Variants in TMEM17 observed in about 807,000 individuals in gnomAD.
TMEM17 encodes transmembrane protein 17.
In TMEM17, 15 loss-of-function variants were observed where a neutral mutation model predicts 19.1. The observed-to-expected ratio is 0.78, with a 90% CI of 0.52 to 1.21. The LOEUF is 1.21. Among genes scored for constraint, TMEM17 ranks in the 50% most tolerant of loss-of-function variants. TMEM17 has a pLI of 0.00. For synonymous variants in TMEM17, 103 were observed against 86.9 expected (o/e 1.19, Z -1.03); for missense variants, 245 against 242.3 (o/e 1.01, Z -0.07).
chr2:62,506,030 C>G lies in TMEM17; in HGVS notation c.100G>C (p.Glu34Gln). 6.2e-7 allele frequency: 1 copy of G among 1,609,124 alleles called. No homozygotes were observed. Among genetic ancestry groups the G allele is most frequent in the Non-Finnish European group, 8.5e-7 (1 of 1,177,902 alleles). The change falls in exon 1 of 4, where the codon GAA becomes CAA. Residue 34 changes from glutamate (E) to glutamine (Q), a missense_variant and splice_region_variant. Glu to Gln is a conservative substitution (Grantham distance 29, BLOSUM62 2). Transcript: ENST00000335390. The part of the protein sequence containing the change: ...RTGPESNEGP[E>Q]NEMVSSLALQ... ...CCTGCACCGGGCCTCGGTCACTCAC[C>G]CGGACCCTCATTGGACTCTGGACCG... is the stretch of plus-strand genomic sequence containing the variant.
At chr2:62,469,260 T>A in the TMEM17 span, among the ~76,000 whole-genome samples, 1 of 152,156 alleles carries the variant, frequency 6.6e-6, no homozygotes, top group Non-Finnish European at 1.5e-5. Flanking sequence ...ACCTCTTCCC[T>A]CAAAGAGGAC....
the TMEM17 span, among the ~76,000 whole-genome samples, chr2:62,454,609 T>G: frequency 6.6e-6 from 1 of 152,248 alleles, no homozygotes; most frequent in Non-Finnish European, 1.5e-5. Flanking sequence ...GCTCTTAAAA[T>G]GCAAATACTC....
the TMEM17 span, among the ~76,000 whole-genome samples, chr2:62,466,278 G>T: frequency 6.6e-6 from 1 of 152,154 alleles, no homozygotes; most frequent in African/African-American, 2.4e-5. Context: ...CTCTGGGGTG[G>T]GAGGCAGTGA....
the TMEM17 span, among the ~76,000 whole-genome samples, chr2:62,457,755 A>G: frequency 6.6e-6 from 1 of 152,136 alleles, no homozygotes; most frequent in Non-Finnish European, 1.5e-5. This position sits in a 1 kb window ranked among gnomAD's most constrained non-coding sequence, Gnocchi z 4.2. Flanking sequence ...TTAAGGCCTT[A>G]GTTTAACTGG....
the TMEM17 span, among the ~76,000 whole-genome samples, chr2:62,480,838 T>G: frequency 6.6e-6 from 1 of 152,232 alleles, no homozygotes; most frequent in South Asian, 2.1e-4. Context: ...ACTGGTAGTA[T>G]TATGCTTCCA....
At chr2:62,468,421 T>C in the TMEM17 span, among the ~76,000 whole-genome samples, 1 of 152,372 alleles carries the variant, frequency 6.6e-6, no homozygotes, top group South Asian at 2.1e-4. Context: ...ACATTTAGCC[T>C]GAAGTCCAAG....
At chr2:62,487,773 C>T in the TMEM17 span, among the ~76,000 whole-genome samples, 3 of 152,252 alleles carry the variant, frequency 2.0e-5, no homozygotes, top group African/African-American at 7.2e-5. Context: ...CGGCTCACTG[C>T]AACCTCCACC....
At chr2:62,501,624 C>A in intron 3 of TMEM17, 137 bp from the exon 4 acceptor site, 1 of 839,164 alleles carries the variant, frequency 1.2e-6, no homozygotes, top group South Asian at 1.9e-5. Flanking sequence ...TGACATGGTC[C>A]TTGTCCTCAG....
At chr2:62,499,675 G>A (rs1246108822), downstream of TMEM17, among the ~76,000 whole-genome samples, 1 of 152,064 alleles carries the variant, frequency 6.6e-6, no homozygotes, top group African/African-American at 2.4e-5. Context: ...GCAAAACCTG[G>A]GAATCCTAAG....
At chr2:62,486,673 G>C in the TMEM17 span, among the ~76,000 whole-genome samples, 1 of 152,208 alleles carries the variant, frequency 6.6e-6, no homozygotes, top group African/African-American at 2.4e-5. Context: ...GGAATGAAAA[G>C]AGACAAAGTG....
At chr2:62,494,774 C>T in the TMEM17 span, among the ~76,000 whole-genome samples, 1 of 152,038 alleles carries the variant, frequency 6.6e-6, no homozygotes, top group African/African-American at 2.4e-5. Flanking sequence ...GAGGCCGAGG[C>T]GGGCAGATCA....
At chr2:62,476,212 G>A in the TMEM17 span, among the ~76,000 whole-genome samples, 1 of 152,188 alleles carries the variant, frequency 6.6e-6, no homozygotes, top group Non-Finnish European at 1.5e-5. Context: ...TATGTATGTT[G>A]TTGCAGAAAA....
the TMEM17 span, among the ~76,000 whole-genome samples, chr2:62,467,240 T>C: frequency 2.0e-5 from 3 of 152,080 alleles, no homozygotes; most frequent in African/African-American, 4.8e-5. Context: ...CTTGTTTACT[T>C]TGAAGCTATC....
chr2:62,476,111 G>T, the TMEM17 span, among the ~76,000 whole-genome samples: 2 of 152,216 alleles, frequency 1.3e-5, no homozygotes, highest in Non-Finnish European at 2.9e-5. Context: ...AGGGGGTCAT[G>T]CTTTGTCAAA....
chr2:62,489,606 T>G, the TMEM17 span, among the ~76,000 whole-genome samples: 155 of 152,308 alleles, frequency 1.0e-3, no homozygotes, highest in African/African-American at 3.5e-3. Flanking sequence ...TCATTCCATT[T>G]TATGCAATAA....
chr2:62,481,703 G>GTGTGTGTGTGTGTGTGTGTGTGTA, the TMEM17 span, among the ~76,000 whole-genome samples: 1 of 94,534 alleles, frequency 1.1e-5, no homozygotes, highest in South Asian at 3.0e-4. Context: ...TTAAAGGTGT[G>GTGTGTGTGTGTGTGTGTGTGTGTA]TGTGTGTGTG....
At chr2:62,487,209 G>C in the TMEM17 span, among the ~76,000 whole-genome samples, 1 of 152,174 alleles carries the variant, frequency 6.6e-6, no homozygotes, top group African/African-American at 2.4e-5. Context: ...GAGGCTCAAG[G>C]AGAATCCATT....
chr2:62,455,025 G>A, the TMEM17 span, among the ~76,000 whole-genome samples: 1 of 152,112 alleles, frequency 6.6e-6, no homozygotes, highest in South Asian at 2.1e-4. Flanking sequence ...TTTATTGAAG[G>A]TCCAATTTGC....
chr2:62,482,787 T>G, the TMEM17 span, among the ~76,000 whole-genome samples: 1 of 152,238 alleles, frequency 6.6e-6, no homozygotes. Flanking sequence ...GGACCCTTGA[T>G]GCAGCCATGC....
Sources: gnomAD v4.1 joint callset for allele counts (sites outside exome capture counted in the v4.1 genomes callset) on GRCh38, gnomAD v4.1.1 for gene constraint, Gnocchi (gnomAD v3.1) non-coding constraint, MANE v1.5 for transcripts, NCBI Gene and HGNC (gene_info 2026-07-23, HGNC 2026-07-21) for gene names.